Variants in SEMA6A observed in about 807,000 individuals in gnomAD.
The protein encoded by SEMA6A is semaphorin 6A, also known as semaphorin-6A.
In SEMA6A, 25 loss-of-function variants were observed where a neutral mutation model predicts 96.8. The ratio of observed to expected loss-of-function variants is 0.26; its 90% CI spans 0.19 to 0.36. The LOEUF is 0.36. Ranked by LOEUF, SEMA6A falls within the 10% of genes least tolerant of loss-of-function variation. The pLI is 1.00. For missense variants in SEMA6A, 1,363 were observed against 1,323.1 expected (o/e 1.03, Z -0.47); for synonymous variants, 612 against 518.0 (o/e 1.18, Z -2.46).
intron 1 of SEMA6A, chr5:116,508,125 A>T (rs182740777): frequency 1.3e-5 from 2 of 152,374 alleles, no homozygotes; most frequent in East Asian, 3.9e-4. Flanking sequence ...CAAATGAACC[A>T]TGCAGAATGC....
intron 18 of SEMA6A, among the ~76,000 whole-genome samples, chr5:116,457,984 CAAGAAAAGAGAAGCT>C (rs1755124075): frequency 2.0e-5 from 3 of 152,090 alleles, no homozygotes; most frequent in Non-Finnish European, 2.9e-5. Flanking sequence ...GGTATAATGT[CAAGAAAAGAGAAGCT>C]ATTCTCAGGA....
At chr5:116,456,702 C>T (rs557276625) in intron 18 of SEMA6A, among the ~76,000 whole-genome samples, 223 of 152,294 alleles carry the variant, frequency 1.5e-3, no homozygotes, top group Non-Finnish European at 2.3e-3. Flanking sequence ...ACAGAGCTCA[C>T]GTATGTCCTA....
At chr5:116,457,214 C>G (rs771064482) in intron 18 of SEMA6A, among the ~76,000 whole-genome samples, 14 of 152,118 alleles carry the variant, frequency 9.2e-5, no homozygotes, top group Non-Finnish European at 1.6e-4. Context: ...ATATTTATTA[C>G]CTTAACAAAT....
intron 15 of SEMA6A, among the ~76,000 whole-genome samples, chr5:116,476,079 A>C (rs974612233): frequency 1.3e-5 from 2 of 152,100 alleles, no homozygotes; most frequent in Non-Finnish European, 2.9e-5. Flanking sequence ...AAAGTGTTCA[A>C]AGGTCCAAGT....
At chr5:116,479,598 GT>G (rs375635953) in intron 12 of SEMA6A, among the ~76,000 whole-genome samples, 6 of 152,302 alleles carry the variant, frequency 3.9e-5, no homozygotes, top group African/African-American at 1.4e-4. Context: ...ACAAGGAAGA[GT>G]TTTTTAATAC....
chr5:116,520,106 C>A (rs2112812954), intron 1 of SEMA6A, among the ~76,000 whole-genome samples: 1 of 152,264 alleles, frequency 6.6e-6, no homozygotes, highest in Non-Finnish European at 1.5e-5. Context: ...CTGTTCCAGC[C>A]CCTGTGCCTT....
chr5:116,494,181 T>G (rs73781097), intron 6 of SEMA6A, among the ~76,000 whole-genome samples: 12,795 of 152,266 alleles, frequency 0.084, 617 homozygotes, highest in Admixed American at 0.12. Flanking sequence ...TTAACACTTG[T>G]CATTTCACAG....
At chr5:116,489,089 G>T (rs1273989673) in intron 7 of SEMA6A, 82 bp from the exon 8 acceptor site, 12 of 1,398,774 alleles carry the variant, frequency 8.6e-6, no homozygotes, top group Non-Finnish European at 1.0e-5. Context: ...CCCCTAGATT[G>T]CTTTCCAACA....
At chr5:116,562,967 C>A in intron 1 of SEMA6A, 1 of 577,006 alleles carries the variant, frequency 1.7e-6, no homozygotes, top group Non-Finnish European at 3.3e-6. Context: ...CCCATCCTCT[C>A]TGACAGCACC....
chr5:116,537,147 G>A (rs1759751579), intron 1 of SEMA6A, among the ~76,000 whole-genome samples: 1 of 152,184 alleles, frequency 6.6e-6, no homozygotes, highest in Non-Finnish European at 1.5e-5. Context: ...ACACATGCAT[G>A]CACACATAGA....
At chr5:116,531,209 TGGG>T (rs1399777673) in intron 1 of SEMA6A, among the ~76,000 whole-genome samples, 1 of 134,250 alleles carries the variant, frequency 7.4e-6, no homozygotes, top group Non-Finnish European at 1.6e-5. Context: ...CGGTGGGGAT[TGGG>T]GGGATCCAGA....
chr5:116,474,414 A>G (rs2112674251), intron 16 of SEMA6A, among the ~76,000 whole-genome samples: 1 of 152,282 alleles, frequency 6.6e-6, no homozygotes, highest in African/African-American at 2.4e-5. Context: ...GAACGCACAC[A>G]CGTAACATAC....
intron 15 of SEMA6A, among the ~76,000 whole-genome samples, chr5:116,477,233 A>T (rs912727973): frequency 6.6e-6 from 1 of 152,242 alleles, no homozygotes; most frequent in Non-Finnish European, 1.5e-5. Context: ...AAGCATTTAA[A>T]GCCAGGGTAA....
intron 7 of SEMA6A, among the ~76,000 whole-genome samples, chr5:116,489,696 T>C (rs1052645288): frequency 6.6e-6 from 1 of 152,216 alleles, no homozygotes; most frequent in African/African-American, 2.4e-5. Context: ...GGGGTTACGC[T>C]GAGTTCAAAT....
intron 10 of SEMA6A, among the ~76,000 whole-genome samples, chr5:116,484,370 C>T (rs1007016569): frequency 6.6e-6 from 1 of 152,060 alleles, no homozygotes; most frequent in African/African-American, 2.4e-5. Flanking sequence ...CCTTTCTTTC[C>T]TTTCAATTTT....
In SEMA6A at chr5:116,480,261, C is replaced by T. The variant is rs1756682705; in HGVS notation, c.1111G>A (p.Gly371Ser). The T allele has an allele frequency of 1.2e-6, 2 of 1,613,722 alleles. No homozygotes were observed. Among genetic ancestry groups the T allele is most frequent in the Non-Finnish European group, 1.7e-6 (2 of 1,179,728 alleles). Residue 371 changes from glycine to serine, a missense_variant, in exon 12 of 19, where the codon GGC becomes AGC. Gly to Ser is a moderately conservative substitution (Grantham distance 56). This residue lies in a region of SEMA6A where 480 missense variants were observed against 559.5 expected (regional missense o/e 0.86). Coordinates refer to ENST00000343348, the MANE Select transcript of SEMA6A (RefSeq NM_020796.5). ...VPKPRPGCCA[G>S]SSSLERYATS... ...GCATATCTTTCTAAGGAGGATGAGC[C>T]AGCACAGCAACCTGGCCTAAAATGA...
At chr5:116,534,778 C>T in intron 1 of SEMA6A, among the ~76,000 whole-genome samples, 1 of 152,182 alleles carries the variant, frequency 6.6e-6, no homozygotes, top group Non-Finnish European at 1.5e-5. Flanking sequence ...CCTTTTTTCA[C>T]TGGACACCCG....
rs928536692 is a variant in SEMA6A at position 116,443,623 on chromosome 5, C to T, written c.*2990G>A. 1.1e-4 allele frequency: 17 copies of T among 152,478 alleles called. No individual in the cohort carries two copies. Among genetic ancestry groups the T allele is most frequent in the African/African-American group, 4.1e-4 (17 of 41,398 alleles). 9.4% of individuals were successfully genotyped at this position (152,478 alleles called of 1,614,324 possible). Reference sequence around the variant, plus strand: ...GCCTTTTCCTTGCTTTTCTTTTTTCCCTTTTTTTCTTTTCTTTTTTCTTTT... The same window carrying T: ...GCCTTTTCCTTGCTTTTCTTTTTTCTCTTTTTTTCTTTTCTTTTTTCTTTT... On this transcript the variant is annotated 3_prime_UTR_variant, in exon 19 of 19. Transcript: ENST00000343348.
In SEMA6A at chr5:116,491,671, G is replaced by C. The variant is rs7737343; in HGVS notation, c.535+69C>G. Reference sequence around the variant, plus strand: ...CAACTGTGACTCCACGAATCCTCTAGAGCAGATTCACAGTGACAGGATGAA... The same window carrying C: ...CAACTGTGACTCCACGAATCCTCTACAGCAGATTCACAGTGACAGGATGAA... On this transcript the variant is annotated intron_variant, in intron 7 of 18. Transcript: ENST00000343348. 5.7e-3 allele frequency: 6,614 copies of C among 1,156,960 alleles called. 254 individuals carry two copies. The African/African-American group carries it at 0.081, about 14-fold the overall frequency. 71.7% of individuals were successfully genotyped at this position (1,156,960 alleles called of 1,614,324 possible). A position where few individuals can be genotyped will look rare whatever the true frequency, so the allele number is the denominator to read the frequency against.
Sources: gnomAD v4.1 joint callset for allele counts (sites outside exome capture counted in the v4.1 genomes callset) on GRCh38, gnomAD v4.1.1 for gene constraint, gnomAD v4.1.1 regional missense constraint, MANE v1.5 for transcripts, NCBI Gene and HGNC (gene_info 2026-07-23, HGNC 2026-07-21) for gene names.